The following OSBPL10 variants were observed in gnomAD, a reference collection of about 807,000 sequenced individuals.
The protein encoded by OSBPL10 is oxysterol-binding protein-related protein 10.
OSBPL10 carries 49 observed loss-of-function variants against 81.7 expected under a neutral mutation model. The observed-to-expected ratio is 0.60, with a 90% CI of 0.48 to 0.76. The LOEUF is 0.76. OSBPL10 is among the 30% of genes least tolerant of loss of function. The pLI, the probability that OSBPL10 is intolerant of heterozygous loss-of-function variation, is 0.00. For synonymous variants in OSBPL10, 419 were observed against 383.6 expected (o/e 1.09, Z -1.08); for missense variants, 923 against 987.8 (o/e 0.93, Z 0.88).
intron 2 of OSBPL10, among the ~76,000 whole-genome samples, chr3:32,000,380 T>C (rs899251097): frequency 3.4e-4 from 51 of 152,156 alleles, no homozygotes; most frequent in African/African-American, 1.2e-3. Flanking sequence ...CTCCAACTGG[T>C]TTTGCTACTT....
In OSBPL10 at chr3:31,903,659, G is replaced by A. The variant is rs563105456; in HGVS notation, c.282-23829C>T. ...AGCCCTTTTTAAAGATGAGGAAACCGAGACACAGAGATCTCTCATCAGAGT... is the reference window on the plus strand; with the variant it reads ...AGCCCTTTTTAAAGATGAGGAAACCAAGACACAGAGATCTCTCATCAGAGT... On this transcript the variant is annotated intron_variant, in intron 1 of 11. Coordinates refer to ENST00000396556, the MANE Select transcript of OSBPL10 (RefSeq NM_017784.5). Among the ~76,000 whole-genome samples, 12 of 152,140 alleles carry A rather than the reference G, an allele frequency of 7.9e-5. No individual in the cohort carries two copies. In the East Asian group the frequency reaches 9.7e-4, roughly 12 times the overall value.
At chr3:31,804,094 A>G (rs1699464837) in intron 4 of OSBPL10, among the ~76,000 whole-genome samples, 2 of 152,202 alleles carry the variant, frequency 1.3e-5, no homozygotes, top group Non-Finnish European at 2.9e-5. Flanking sequence ...TGCAACAATC[A>G]TTACTATGAT....
At chr3:31,925,313 TC>T (rs1347840183) in intron 1 of OSBPL10, among the ~76,000 whole-genome samples, 1 of 151,772 alleles carries the variant, frequency 6.6e-6, no homozygotes, top group Non-Finnish European at 1.5e-5. Flanking sequence ...TCCACGACCC[TC>T]CACAATAGGT....
chr3:32,074,609 T>C (rs1575097187), intron 1 of OSBPL10, among the ~76,000 whole-genome samples: 1 of 152,238 alleles, frequency 6.6e-6, no homozygotes, highest in East Asian at 1.9e-4. Context: ...CATCTGAATC[T>C]CCTCCTAGCC....
Position 31,748,050 on chromosome 3 carries a change from G to C in OSBPL10, c.800C>G (p.Pro267Arg). Residue 267 changes from proline to arginine, a missense_variant, in exon 5 of 12, where the codon CCC becomes CGC. By Grantham distance (103) the Pro-to-Arg change is moderately radical. Transcript: ENST00000396556. Reference protein sequence around the residue: ...HAIESLPGSGPLTALDQDLLL... With the variant: ...HAIESLPGSGRLTALDQDLLL... Reference sequence around the variant, plus strand: ...CAGGTCCTGGTCCAAGGCAGTGAGGGGGCCGGACCCTGGCAGGGACTCAAT... The same window carrying C: ...CAGGTCCTGGTCCAAGGCAGTGAGGCGGCCGGACCCTGGCAGGGACTCAAT... 6.2e-7 allele frequency: 1 copy of C among 1,614,172 alleles called. No individual in the cohort carries two copies. Among genetic ancestry groups the C allele is most frequent in the Non-Finnish European group, 8.5e-7 (1 of 1,180,040 alleles).
chr3:31,824,261 G>A (rs1004191542), intron 4 of OSBPL10, among the ~76,000 whole-genome samples: 1 of 152,148 alleles, frequency 6.6e-6, no homozygotes, highest in Non-Finnish European at 1.5e-5. Flanking sequence ...ATAAATGGAT[G>A]CAGGAAGAGC....
chr3:31,731,396 CTG>C (rs1489645997), intron 6 of OSBPL10, among the ~76,000 whole-genome samples: 2 of 152,132 alleles, frequency 1.3e-5, no homozygotes, highest in African/African-American at 4.8e-5. Flanking sequence ...AAATTAATGA[CTG>C]TCTCTACTTT....
intron 2 of OSBPL10, among the ~76,000 whole-genome samples, chr3:32,026,076 T>C (rs1699408552): frequency 9.5e-6 from 1 of 105,662 alleles, no homozygotes; most frequent in Admixed American, 1.2e-4. Flanking sequence ...GATAGATAGA[T>C]AGATAGATAG....
intron 3 of OSBPL10, among the ~76,000 whole-genome samples, chr3:31,855,582 G>GTCCA (rs745558229): frequency 4.1e-4 from 62 of 152,224 alleles, no homozygotes; most frequent in South Asian, 1.0e-3. Context: ...ACTTTCCAGG[G>GTCCA]TCCAGTACTA....
At chr3:31,980,236 T>A (rs1175210911) in intron 1 of OSBPL10, among the ~76,000 whole-genome samples, 1 of 152,052 alleles carries the variant, frequency 6.6e-6, no homozygotes, top group Non-Finnish European at 1.5e-5. Flanking sequence ...ACTCCTGACT[T>A]CGTGATCTGC....
chr3:31,904,220 TC>T (rs1156304173), intron 1 of OSBPL10, among the ~76,000 whole-genome samples: 1 of 151,910 alleles, frequency 6.6e-6, no homozygotes, highest in East Asian at 1.9e-4. Context: ...TGATTACCTT[TC>T]CCACGCATGA....
chr3:31,960,208 G>A (rs544158584), intron 1 of OSBPL10: 1 of 152,240 alleles, frequency 6.6e-6, no homozygotes, highest in East Asian at 1.9e-4. Flanking sequence ...GAGTCTCAGA[G>A]ATCGCTTCTG....
intron 7 of OSBPL10, among the ~76,000 whole-genome samples, chr3:31,688,628 T>C (rs1206686875): frequency 6.6e-6 from 1 of 152,184 alleles, no homozygotes; most frequent in Non-Finnish European, 1.5e-5. Flanking sequence ...TTGACATGTT[T>C]AAGTTACCCA....
chr3:31,735,666 G>A (rs1377610536), intron 5 of OSBPL10, among the ~76,000 whole-genome samples: 3 of 152,116 alleles, frequency 2.0e-5, no homozygotes, highest in Admixed American at 6.5e-5. Flanking sequence ...CCAGAGGGCT[G>A]TTCCTCCAGT....
intron 1 of OSBPL10, among the ~76,000 whole-genome samples, chr3:31,945,119 C>T (rs546574165): frequency 1.2e-4 from 16 of 137,446 alleles, no homozygotes; most frequent in African/African-American, 3.6e-4. Context: ...CCACTACACT[C>T]GAGCCTGGCG....
chr3:32,038,985 A>G (rs1699546150), intron 2 of OSBPL10, among the ~76,000 whole-genome samples: 1 of 152,156 alleles, frequency 6.6e-6, no homozygotes, highest in African/African-American at 2.4e-5. Context: ...TTGAAAAACT[A>G]GACAACAATA....
chr3:31,683,869 C>T lies in OSBPL10; in HGVS notation c.1491G>A (p.Arg497=), dbSNP rs553333100. The change falls in exon 8 of 12, where the codon AGG becomes AGA. Residue 497 remains arginine (R), a synonymous_variant. Coordinates refer to ENST00000396556, the MANE Select transcript of OSBPL10 (RefSeq NM_017784.5). ...FHCSWEVPKD[R]VKPKRTASRS... ...GGGAAGCAGTCCTCTTAGGCTTGAC[C>T]CTGTCCTTGGGAACTTCCCAGGAGC... is the stretch of plus-strand genomic sequence containing the variant. 5.6e-6 allele frequency: 9 copies of T among 1,614,210 alleles called. No individual in the cohort carries two copies. The Admixed American group carries it at 1.2e-4, about 21-fold the overall frequency.
chr3:31,700,312 ATTTC>A (rs1008814285), intron 7 of OSBPL10: 32 of 152,298 alleles, frequency 2.1e-4, no homozygotes, highest in African/African-American at 7.2e-4. Flanking sequence ...CAGTTGTGAT[ATTTC>A]TTTATTTTAG....
chr3:31,936,600 C>G (rs1697384376), intron 1 of OSBPL10, among the ~76,000 whole-genome samples: 1 of 152,172 alleles, frequency 6.6e-6, no homozygotes, highest in Non-Finnish European at 1.5e-5. Context: ...CCATCCATTT[C>G]CATGACACAC....
Sources: gnomAD v4.1 joint callset for allele counts (sites outside exome capture counted in the v4.1 genomes callset) on GRCh38, gnomAD v4.1.1 for gene constraint, MANE v1.5 for transcripts, NCBI Gene and HGNC (gene_info 2026-07-23, HGNC 2026-07-21) for gene names.